Variants in PCDHA8 observed in about 807,000 individuals in gnomAD.
PCDHA8 encodes the protein protocadherin alpha 8.
PCDHA8 carries 53 observed loss-of-function variants against 61.8 expected under a neutral mutation model. That is an observed-to-expected ratio of 0.86 (90% CI 0.69 to 1.08). The LOEUF is 1.08. Ranked by LOEUF, PCDHA8 falls within the 50% of genes least tolerant of loss-of-function variation. The pLI, the probability that PCDHA8 is intolerant of heterozygous loss-of-function variation, is 0.00. For synonymous variants in PCDHA8, 618 were observed against 556.6 expected, an observed-to-expected ratio of 1.11 and a Z score of -1.55; for missense variants, 1,293 against 1,245.0, an observed-to-expected ratio of 1.04 and a Z score of -0.58.
At chr5:141,006,741 A>G (rs1275777013) in intron 3 of PCDHA8, among the ~76,000 whole-genome samples, 2 of 152,208 alleles carry the variant, frequency 1.3e-5, no homozygotes, top group Non-Finnish European at 2.9e-5. Flanking sequence ...TTGATGATGT[A>G]TTATAAATGG....
intron 1 of PCDHA8, chr5:140,871,365 G>A: frequency 6.2e-7 from 1 of 1,614,218 alleles, no homozygotes; most frequent in Non-Finnish European, 8.5e-7. Context: ...AGCAGAGGCG[G>A]CAGAGGGTGT....
chr5:140,930,231 A>G (rs1234850185), intron 1 of PCDHA8: 3 of 152,238 alleles, frequency 2.0e-5, no homozygotes, highest in Non-Finnish European at 4.4e-5. Context: ...TGCACTTACC[A>G]TCCAAAGTCC....
At chr5:140,972,027 C>A (rs2096514532) in intron 1 of PCDHA8, among the ~76,000 whole-genome samples, 1 of 152,110 alleles carries the variant, frequency 6.6e-6, no homozygotes, top group African/African-American at 2.4e-5. Flanking sequence ...GATATTCAGG[C>A]ATTTAAGCTA....
At chr5:140,871,955 G>C in intron 1 of PCDHA8, among the ~76,000 whole-genome samples, 1 of 152,196 alleles carries the variant, frequency 6.6e-6, no homozygotes, top group East Asian at 1.9e-4. Flanking sequence ...TTTCTAAAGG[G>C]AGGAGGTCTT....
At chr5:140,870,870 G>T in intron 1 of PCDHA8, 1 of 1,613,948 alleles carries the variant, frequency 6.2e-7, no homozygotes, top group African/African-American at 1.3e-5. Flanking sequence ...CGGGCCACGT[G>T]GTGGCGAAGG....
At chr5:140,921,834 A>G (rs2080429595) in intron 1 of PCDHA8, among the ~76,000 whole-genome samples, 1 of 152,142 alleles carries the variant, frequency 6.6e-6, no homozygotes, top group Non-Finnish European at 1.5e-5. Context: ...ATACACATAT[A>G]GACATATTTA....
rs782366361 is a variant in PCDHA8, at chr5:140,884,693, T to C, written c.2394+40978T>C. On this transcript the variant is annotated intron_variant, in intron 1 of 3. Coordinates refer to ENST00000531613, the MANE Select transcript of PCDHA8 (RefSeq NM_018911.3). ...CTTATATTTTAAAAAATTGTCTTAGTAAACACTTTAGCCTTCCTTGCAGTT... is the reference window on the plus strand; with the variant it reads ...CTTATATTTTAAAAAATTGTCTTAGCAAACACTTTAGCCTTCCTTGCAGTT... The C allele has an allele frequency of 2.1e-5, 32 of 1,524,768 alleles. No individual in the cohort carries two copies. The East Asian group carries it at 6.9e-4, about 33-fold the overall frequency. The allele number at this position is 1,524,768 out of a possible 1,614,324, so 94.5% of individuals were successfully genotyped here. A position where few individuals can be genotyped will look rare whatever the true frequency, so the allele number is the denominator to read the frequency against.
rs201868516 is a variant in PCDHA8 at position 140,843,396 on chromosome 5, C to A, written c.2075C>A (p.Ala692Glu). 27 of 1,595,918 alleles carry A rather than the reference C, an allele frequency of 1.7e-5. 6 individuals carry two copies. Among genetic ancestry groups the A allele is most frequent in the Non-Finnish European group, 2.3e-5 (27 of 1,165,594 alleles). ...GCTGGCGTTTTGGGTCCGGAAGCGGCGCTGGTGGATGTCAACGTGTACCTG... is the reference window on the plus strand; with the variant it reads ...GCTGGCGTTTTGGGTCCGGAAGCGGAGCTGGTGGATGTCAACGTGTACCTG... ...QSAGVLGPEA[A>E]LVDVNVYLII... Residue 692 changes from alanine to glutamate, a missense_variant, in exon 1 of 4, where the codon GCG (alanine) becomes GAG (glutamate). Physicochemically the swap from Ala to Glu is moderately radical, Grantham distance 107. Coordinates refer to ENST00000531613, the MANE Select transcript of PCDHA8 (RefSeq NM_018911.3).
Position 140,877,016 on chromosome 5 carries a change from G to T in PCDHA8, c.2394+33301G>T, listed in dbSNP as rs781790454. The T allele has an allele frequency of 4.7e-5, 76 of 1,612,480 alleles. No individual in the cohort carries two copies. The highest frequency in any genetic ancestry group is 4.0e-4 in the Middle Eastern group (2 of 5,052). The stretch of plus-strand genomic sequence containing the variant: ...TACGTGTCGGTGCACGCGGAGAGCG[G>T]CAAGGTGTACGCGCTGCAGCCGCTA... On this transcript the variant is annotated intron_variant, in intron 1 of 3. Coordinates refer to ENST00000531613, the MANE Select transcript of PCDHA8 (RefSeq NM_018911.3).
chr5:140,889,089 A>G (rs1186785152), intron 1 of PCDHA8, among the ~76,000 whole-genome samples: 2 of 151,884 alleles, frequency 1.3e-5, no homozygotes, highest in Non-Finnish European at 2.9e-5. Flanking sequence ...AATTTTCAAA[A>G]CAATTTTTTC....
chr5:140,851,487 C>T (rs1273932978), intron 1 of PCDHA8: 42 of 889,088 alleles, frequency 4.7e-5, no homozygotes, highest in Non-Finnish European at 5.1e-5. Context: ...TAAACACAGC[C>T]TTCATTTCAA....
intron 1 of PCDHA8, chr5:140,865,080 G>A (rs1166926722): frequency 6.6e-6 from 1 of 152,010 alleles, no homozygotes; most frequent in Non-Finnish European, 1.5e-5. Context: ...AAGAACCATG[G>A]GATATTAATA....
intron 1 of PCDHA8, among the ~76,000 whole-genome samples, chr5:140,880,837 A>G (rs2058501881): frequency 1.3e-5 from 2 of 152,230 alleles, no homozygotes; most frequent in African/African-American, 4.8e-5. Flanking sequence ...CATATTTTAA[A>G]TGGTTGACTA....
At chr5:140,955,096 T>G (rs1366148224) in intron 1 of PCDHA8, among the ~76,000 whole-genome samples, 1 of 152,178 alleles carries the variant, frequency 6.6e-6, no homozygotes, top group Non-Finnish European at 1.5e-5. Flanking sequence ...GTGTGTGGTG[T>G]TATTTCTGAG....
chr5:140,874,321 T>C (rs1476462736), intron 1 of PCDHA8, among the ~76,000 whole-genome samples: 2 of 151,726 alleles, frequency 1.3e-5, no homozygotes, highest in Non-Finnish European at 2.9e-5. Flanking sequence ...TGTAGGATCT[T>C]ATCTGTTTTT....
At chr5:140,936,266 A>G (rs1407459228) in intron 1 of PCDHA8, among the ~76,000 whole-genome samples, 1 of 152,182 alleles carries the variant, frequency 6.6e-6, no homozygotes, top group African/African-American at 2.4e-5. Context: ...TCATGAAGAT[A>G]TATTCCTGTG....
chr5:140,875,355 T>C (rs909094206), intron 1 of PCDHA8: 8 of 1,446,356 alleles, frequency 5.5e-6, no homozygotes, highest in Non-Finnish European at 7.3e-6. Flanking sequence ...ATGACTGTGA[T>C]GCTGGAAAAA....
intron 1 of PCDHA8, chr5:140,863,348 C>G (rs548906600): frequency 3.0e-5 from 39 of 1,313,260 alleles, no homozygotes; most frequent in Non-Finnish European, 4.0e-5. Flanking sequence ...CTGCTGTACA[C>G]GACGCTGCGG....
chr5:140,965,496 A>ATT lies in PCDHA8; in HGVS notation c.2395-13439_2395-13438dup, dbSNP rs71766133. On this transcript the variant is annotated intron_variant, in intron 1 of 3. Coordinates refer to ENST00000531613, the MANE Select transcript of PCDHA8 (RefSeq NM_018911.3). Reference sequence around the variant, plus strand: ...CCCACATTTTGCTTAATGACAGCAGATTTTTTTTTTTTTTTAACTGCAAAG... The same window carrying ATT: ...CCCACATTTTGCTTAATGACAGCAGATTTTTTTTTTTTTTTTTAACTGCAAAG... Among the ~76,000 whole-genome samples the ATT allele has an allele frequency of 3.3e-3, 482 of 146,482 alleles. 3 individuals are homozygous for ATT. The highest frequency in any genetic ancestry group is 0.011 in the African/African-American group (455 of 40,032).
Sources: gnomAD v4.1 joint callset for allele counts (sites outside exome capture counted in the v4.1 genomes callset) on GRCh38, gnomAD v4.1.1 for gene constraint, MANE v1.5 for transcripts, NCBI Gene and HGNC (gene_info 2026-07-23, HGNC 2026-07-21) for gene names.